SLIT2: variants seen among roughly 807,000 people sequenced by gnomAD.
The protein encoded by SLIT2 is slit homolog 2 protein.
A neutral mutation model predicts 185.7 loss-of-function variants in SLIT2; 41 were observed. That is an observed-to-expected ratio of 0.22 (90% CI 0.17 to 0.29). The LOEUF (loss-of-function observed/expected upper bound fraction) is 0.29, where lower values mean the gene tolerates loss of function less well. Among genes scored for constraint, SLIT2 ranks in the 10% least tolerant of loss-of-function variants. The pLI, the probability that SLIT2 is intolerant of heterozygous loss-of-function variation, is 1.00. For synonymous variants in SLIT2, 693 were observed against 680.2 expected (o/e 1.02, Z -0.29); for missense variants, 1,571 against 1,909.0 (o/e 0.82, Z 3.30).
chr4:20,527,644 C>T (rs2148855278), intron 15 of SLIT2, among the ~76,000 whole-genome samples: 1 of 152,198 alleles, frequency 6.6e-6, no homozygotes, highest in South Asian at 2.1e-4. Flanking sequence ...TCTTTTATTA[C>T]ATTGGTTTTC....
At chr4:20,431,479 T>C (rs1430787598) in intron 4 of SLIT2, among the ~76,000 whole-genome samples, 1 of 152,166 alleles carries the variant, frequency 6.6e-6, no homozygotes, top group African/African-American at 2.4e-5. Context: ...TGAACGCATC[T>C]TTTATGGAAG....
Position 20,579,761 on chromosome 4 carries a change from T to C in SLIT2, c.3089-9883T>C, listed in dbSNP as rs140974240. ...ATCAGTAAATTTATTTTTAAACTATTCTTACTCATTTCGGGAAACATTTAT... is the reference window on the plus strand; with the variant it reads ...ATCAGTAAATTTATTTTTAAACTATCCTTACTCATTTCGGGAAACATTTAT... On this transcript the variant is annotated intron_variant, in intron 29 of 36. Transcript: ENST00000504154. Among the ~76,000 whole-genome samples the C allele has an allele frequency of 2.6e-3, 402 of 151,952 alleles. 10 individuals carry two copies. The South Asian group carries it at 0.061, about 23-fold the overall frequency.
intron 4 of SLIT2, among the ~76,000 whole-genome samples, chr4:20,296,722 G>A (rs1318282194): frequency 6.6e-6 from 1 of 152,198 alleles, no homozygotes. Context: ...GACTCAGTGT[G>A]ATGGAATATC....
At chr4:20,491,710 A>C (rs770330779) in intron 8 of SLIT2, 51 bp from the exon 9 acceptor site, 1 of 1,536,328 alleles carries the variant, frequency 6.5e-7, no homozygotes, top group East Asian at 2.3e-5. Flanking sequence ...TCTGTTTCAC[A>C]ATTATGATAT....
At chr4:20,332,677 A>AAAAAAC (rs961479791) in intron 4 of SLIT2, among the ~76,000 whole-genome samples, 1 of 152,184 alleles carries the variant, frequency 6.6e-6, no homozygotes, top group East Asian at 1.9e-4. Flanking sequence ...CCTTCTCAAA[A>AAAAAAC]AAAAACAAAA....
intron 4 of SLIT2, among the ~76,000 whole-genome samples, chr4:20,407,166 A>G (rs1465017267): frequency 6.6e-6 from 1 of 152,158 alleles, no homozygotes; most frequent in Non-Finnish European, 1.5e-5. Context: ...AAAGAGTTAT[A>G]GGGGAGGGAG....
intron 9 of SLIT2, among the ~76,000 whole-genome samples, chr4:20,509,459 C>T (rs987919925): frequency 5.3e-5 from 8 of 152,024 alleles, no homozygotes; most frequent in African/African-American, 1.9e-4. Flanking sequence ...TCCCCTGAGA[C>T]AGAGAAGGGA....
rs115800506 is a variant in SLIT2 at position 20,602,398 on chromosome 4, G to A, written c.3692+4003G>A. Among the ~76,000 whole-genome samples, 119 of 152,272 alleles carry A rather than the reference G, an allele frequency of 7.8e-4. 1 individual carries two copies. Among genetic ancestry groups the A allele is most frequent in the Middle Eastern group, 3.4e-3 (1 of 294 alleles). ...TCAAGATGTAGTAATTATTCTTTTA[G>A]CGTAGAAATAAAGTAGTATGCATAT... On this transcript the variant is annotated intron_variant, in intron 33 of 36. Transcript: ENST00000504154.
At chr4:20,603,149 C>T (rs1430253014) in intron 33 of SLIT2, among the ~76,000 whole-genome samples, 1 of 152,118 alleles carries the variant, frequency 6.6e-6, no homozygotes, top group Non-Finnish European at 1.5e-5. Context: ...ACAATCATAG[C>T]AGAAGGCGAA....
chr4:20,589,093 G>T (rs1012284866), intron 29 of SLIT2, among the ~76,000 whole-genome samples: 2 of 152,006 alleles, frequency 1.3e-5, no homozygotes, highest in East Asian at 3.9e-4. Flanking sequence ...GCATAAAAGG[G>T]TACATATGGA....
chr4:20,464,636 TCTC>T (rs1714140202), intron 4 of SLIT2, among the ~76,000 whole-genome samples: 3 of 152,084 alleles, frequency 2.0e-5, no homozygotes, highest in South Asian at 4.1e-4. Context: ...TTCCACCCCT[TCTC>T]CTGTTATTCC....
chr4:20,427,364 C>T (rs1048084970), intron 4 of SLIT2, among the ~76,000 whole-genome samples: 2 of 152,014 alleles, frequency 1.3e-5, no homozygotes, highest in East Asian at 3.9e-4. Flanking sequence ...CTGTTAGAAC[C>T]CATTTTTTTC....
intron 34 of SLIT2, among the ~76,000 whole-genome samples, chr4:20,612,912 C>A: frequency 1.3e-5 from 1 of 77,926 alleles, no homozygotes. Context: ...TGGGAGACTC[C>A]ATCTCCAAAA....
intron 30 of SLIT2, among the ~76,000 whole-genome samples, chr4:20,590,619 T>G (rs2148950075): frequency 6.6e-6 from 1 of 152,334 alleles, no homozygotes; most frequent in East Asian, 1.9e-4. Context: ...GTGTACTCCC[T>G]TAAGTGAACA....
At chr4:20,396,892 ATAAAT>A (rs201572108) in intron 4 of SLIT2, among the ~76,000 whole-genome samples, 10,734 of 149,016 alleles carry the variant, frequency 0.072, 523 homozygotes, top group Non-Finnish European at 0.11. Context: ...ATATAAATAC[ATAAAT>A]TATATTTATA....
chr4:20,501,466 T>G (rs1171669033), intron 9 of SLIT2, among the ~76,000 whole-genome samples: 1 of 152,038 alleles, frequency 6.6e-6, no homozygotes, highest in Non-Finnish European at 1.5e-5. Context: ...GTCTTTTGGG[T>G]AGAAGTGGGG....
chr4:20,308,774 A>T (rs1717810301), intron 4 of SLIT2, among the ~76,000 whole-genome samples: 1 of 152,190 alleles, frequency 6.6e-6, no homozygotes, highest in Non-Finnish European at 1.5e-5. Flanking sequence ...TCCTATTTTA[A>T]ATATATCAAT....
At chr4:20,582,864 A>C (rs1726712068) in intron 29 of SLIT2, among the ~76,000 whole-genome samples, 1 of 152,198 alleles carries the variant, frequency 6.6e-6, no homozygotes, top group African/African-American at 2.4e-5. Context: ...GATGACTGTG[A>C]TACCACGACA....
intron 4 of SLIT2, among the ~76,000 whole-genome samples, chr4:20,461,218 A>G (rs990200697): frequency 1.3e-5 from 2 of 152,210 alleles, no homozygotes; most frequent in Admixed American, 1.3e-4. Flanking sequence ...GCAAAAGCTG[A>G]ACGATATGGA....
Sources: allele counts gnomAD v4.1 joint callset (sites outside exome capture counted in the v4.1 genomes callset), GRCh38; gene constraint gnomAD v4.1.1; transcripts MANE v1.5; gene names NCBI Gene and HGNC (gene_info 2026-07-23, HGNC 2026-07-21).